The following SLC5A8 variants were observed in gnomAD, a reference collection of about 807,000 sequenced individuals.
SLC5A8 encodes the protein solute carrier family 5 member 8.
A neutral mutation model predicts 71.9 loss-of-function variants in SLC5A8; 55 were observed. That is an observed-to-expected ratio of 0.77 (90% CI 0.62 to 0.96). SLC5A8 has a LOEUF of 0.96. Ranked by LOEUF, SLC5A8 falls within the 40% of genes least tolerant of loss-of-function variation. SLC5A8 has a pLI of 0.00. For synonymous variants in SLC5A8, 307 were observed against 276.1 expected (o/e 1.11, Z -1.11); for missense variants, 701 against 745.3 (o/e 0.94, Z 0.69).
intron 10 of SLC5A8, among the ~76,000 whole-genome samples, chr12:101,169,179 C>A (rs1214416386): frequency 6.6e-6 from 1 of 152,088 alleles, no homozygotes; most frequent in Non-Finnish European, 1.5e-5. Context: ...ACCCACAAAG[C>A]AAGTGATGAC....
chr12:101,160,075 G>C (rs922818074), intron 13 of SLC5A8, among the ~76,000 whole-genome samples: 2 of 152,194 alleles, frequency 1.3e-5, no homozygotes, highest in South Asian at 4.2e-4. Context: ...CCAGCTACTC[G>C]GGAAGCTGAG....
At chr12:101,159,746 G>T (rs2051707328) in intron 13 of SLC5A8, among the ~76,000 whole-genome samples, 1 of 152,168 alleles carries the variant, frequency 6.6e-6, no homozygotes, top group Admixed American at 6.5e-5. Flanking sequence ...AAAAAAAGGA[G>T]TATTCAAAGG....
intron 3 of SLC5A8, among the ~76,000 whole-genome samples, chr12:101,198,135 C>T (rs2137164065): frequency 6.6e-6 from 1 of 151,896 alleles, no homozygotes; most frequent in Middle Eastern, 3.4e-3. Flanking sequence ...TAAATAAAAA[C>T]ACAAGGTATC....
chr12:101,190,545 T>A lies in SLC5A8; in HGVS notation c.756A>T (p.Thr252=). The change falls in exon 6 of 15, where the codon ACA becomes ACT. Residue 252 remains threonine, a synonymous_variant. Transcript: ENST00000536262. ...GGTTGACACCGTAGATGCTGGTCCA[T>A]GTGAAGGTCCCTCCTATAATAATTG... ...FWTIIIGGTF[T]WTSIYGVNQS... The A allele has an allele frequency of 6.2e-7, 1 of 1,613,284 alleles. No individual in the cohort carries two copies. Among genetic ancestry groups the A allele is most frequent in the East Asian group, 2.2e-5 (1 of 44,790 alleles).
intron 13 of SLC5A8, among the ~76,000 whole-genome samples, chr12:101,158,551 TC>T (rs2051689731): frequency 4.0e-5 from 1 of 24,852 alleles, no homozygotes; most frequent in African/African-American, 1.1e-4. Flanking sequence ...TAAATATGAG[TC>T]TCTCTCTCTC....
At chr12:101,199,525 A>G (rs903974719) in intron 3 of SLC5A8, 5 of 152,114 alleles carry the variant, frequency 3.3e-5, no homozygotes, top group African/African-American at 9.6e-5. Context: ...TCAGAAGCCA[A>G]TAAGCTAAGC....
At chr12:101,165,405 T>C (rs892641358) in intron 12 of SLC5A8, among the ~76,000 whole-genome samples, 1 of 152,148 alleles carries the variant, frequency 6.6e-6, no homozygotes, top group Non-Finnish European at 1.5e-5. Context: ...CTTCAATTAA[T>C]CTTTTCTCCC....
chr12:101,198,251 C>T (rs1869278831), intron 3 of SLC5A8, among the ~76,000 whole-genome samples: 1 of 151,588 alleles, frequency 6.6e-6, no homozygotes, highest in South Asian at 2.1e-4. Flanking sequence ...TAAGCGCCTA[C>T]CTTAAGAAGC....
chr12:101,166,548 G>A lies in SLC5A8; in HGVS notation c.1472C>T (p.Thr491Ile). 1 of 1,613,920 alleles carries A rather than the reference G, an allele frequency of 6.2e-7. No homozygotes were observed. The highest frequency in any genetic ancestry group is 8.5e-7 in the Non-Finnish European group (1 of 1,179,934). Residue 491 changes from threonine (T) to isoleucine (I), a missense_variant, in exon 12 of 15, where the codon ACA becomes ATA. Transcript: ENST00000536262. Reference protein sequence around the residue: ...NSTYNETNLMTTTEMPFTTSV... With the variant: ...NSTYNETNLMITTEMPFTTSV... ...AGTAGTAAATGGCATTTCTGTGGTTGTCATCAAATTTGTCTCATTGTAGGT... is the reference window on the plus strand; with the variant it reads ...AGTAGTAAATGGCATTTCTGTGGTTATCATCAAATTTGTCTCATTGTAGGT...
intron 10 of SLC5A8, among the ~76,000 whole-genome samples, chr12:101,169,753 G>A (rs1433165292): frequency 2.0e-5 from 3 of 152,166 alleles, no homozygotes; most frequent in Non-Finnish European, 4.4e-5. Flanking sequence ...TAATATTCAA[G>A]CTAAAGTTGT....
At chr12:101,195,043 A>G in intron 4 of SLC5A8, 52 bp downstream of exon 4, 1 of 1,593,678 alleles carries the variant, frequency 6.3e-7, no homozygotes, top group African/African-American at 1.3e-5. Flanking sequence ...GGAATTTTCA[A>G]TTTTGCAAAG....
intron 5 of SLC5A8, 34 bp from the exon 6 acceptor site, chr12:101,190,642 T>C: frequency 1.9e-6 from 3 of 1,554,490 alleles, no homozygotes; most frequent in Non-Finnish European, 2.6e-6. Flanking sequence ...AAATCTGAAC[T>C]ATTAGCAGAG....
chr12:101,195,027 A>G (rs1022601905), intron 4 of SLC5A8, 68 bp downstream of exon 4: 3 of 1,520,842 alleles, frequency 2.0e-6, no homozygotes, highest in African/African-American at 1.4e-5. Flanking sequence ...GCGGTATACA[A>G]CAACTGGAAT....
At chr12:101,181,901 T>C (rs1593372391) in intron 9 of SLC5A8, among the ~76,000 whole-genome samples, 2 of 152,370 alleles carry the variant, frequency 1.3e-5, no homozygotes, top group African/African-American at 4.8e-5. Flanking sequence ...CAATTTTACA[T>C]AGAATTATGG....
At chr12:101,194,409 T>C (rs761914969) in intron 4 of SLC5A8, among the ~76,000 whole-genome samples, 2 of 152,238 alleles carry the variant, frequency 1.3e-5, no homozygotes, top group Non-Finnish European at 2.9e-5. Context: ...ATCAGTGCCA[T>C]GCCATACTGA....
At chr12:101,187,280 A>C (rs1868685505) in intron 7 of SLC5A8, 106 bp downstream of exon 7, 1 of 1,224,970 alleles carries the variant, frequency 8.2e-7, no homozygotes, top group Non-Finnish European at 1.1e-6. Context: ...TGATGATGGC[A>C]TGTCCACTTT....
rs143897260 is a variant in SLC5A8 at position 101,177,880 on chromosome 12, C to T, written c.1233+2149G>A. Among the ~76,000 whole-genome samples, 925 of 152,062 alleles carry T rather than the reference C, an allele frequency of 6.1e-3. 1 individual carries two copies. Among genetic ancestry groups the T allele is most frequent in the Non-Finnish European group, 0.01 (685 of 67,932 alleles). ...ATTCAACATGATATGGAAGTTGAAG[C>T]CAGTGCAATAAGGAAATAAAAGGCA... is the stretch of plus-strand genomic sequence containing the variant. On this transcript the variant is annotated intron_variant, in intron 10 of 14. Coordinates refer to ENST00000536262, the MANE Select transcript of SLC5A8 (RefSeq NM_145913.5).
chr12:101,181,458 C>T (rs991218481), intron 9 of SLC5A8, among the ~76,000 whole-genome samples: 1 of 152,132 alleles, frequency 6.6e-6, no homozygotes, highest in Non-Finnish European at 1.5e-5. Flanking sequence ...ATGAAAGTCT[C>T]GTCTATATTA....
chr12:101,198,807 G>A (rs1869308318), intron 3 of SLC5A8, among the ~76,000 whole-genome samples: 1 of 151,840 alleles, frequency 6.6e-6, no homozygotes, highest in South Asian at 2.1e-4. Context: ...TTAGCAAATC[G>A]AATTCGGTAA....
Sources: allele counts gnomAD v4.1 joint callset (sites outside exome capture counted in the v4.1 genomes callset), GRCh38; gene constraint gnomAD v4.1.1; transcripts MANE v1.5; gene names NCBI Gene and HGNC (gene_info 2026-07-23, HGNC 2026-07-21).